The following EPB41L3 variants were observed in gnomAD, a reference collection of about 807,000 sequenced individuals.
EPB41L3 encodes the protein erythrocyte membrane protein band 4.1 like 3, also known as band 4.1-like protein 3.
In EPB41L3, 57 loss-of-function variants were observed where a neutral mutation model predicts 127.1. The observed-to-expected ratio is 0.45, with a 90% CI of 0.36 to 0.56. EPB41L3 has a LOEUF of 0.56. Ranked by LOEUF, EPB41L3 falls within the 20% of genes least tolerant of loss-of-function variation. The pLI is 0.00. For missense variants in EPB41L3, 1,273 were observed against 1,372.2 expected (o/e 0.93, Z 1.14); for synonymous variants, 572 against 549.5 (o/e 1.04, Z -0.57).
At chr18:5,526,491 T>C (rs908120843) in intron 1 of EPB41L3, among the ~76,000 whole-genome samples, 2 of 152,210 alleles carry the variant, frequency 1.3e-5, no homozygotes, top group Non-Finnish European at 2.9e-5. Flanking sequence ...AAGAAAGGAC[T>C]GTAACTGAAT....
rs551477943 is a variant in EPB41L3, at chr18:5,540,564, C to T, written c.-12+3349G>A. On this transcript the variant is annotated intron_variant, in intron 1 of 22. Transcript: ENST00000341928. ...CAAGGCAAATCAAATAACAGCAGAA[C>T]CCTCCCGGGCTGAGTGCCTGATGAA... 22 of 985,430 alleles carry T rather than the reference C, an allele frequency of 2.2e-5. No individual in the cohort carries two copies. In the South Asian group the frequency reaches 1.0e-3, roughly 46 times the overall value. 61.0% of individuals were successfully genotyped at this position (985,430 alleles called of 1,614,324 possible).
intron 2 of EPB41L3, among the ~76,000 whole-genome samples, chr18:5,613,644 A>G (rs1327473343): frequency 6.6e-6 from 1 of 152,116 alleles, no homozygotes; most frequent in Non-Finnish European, 1.5e-5. Context: ...TTGCCTTTTC[A>G]CTTTCATTCT....
intron 3 of EPB41L3, among the ~76,000 whole-genome samples, chr18:5,550,186 T>C (rs568836437): frequency 1.3e-5 from 2 of 152,318 alleles, no homozygotes; most frequent in South Asian, 2.1e-4. Flanking sequence ...TAGTTAACTT[T>C]GAGATCTGAC....
At chr18:5,570,917 T>C (rs1253453704) in intron 3 of EPB41L3, 1 of 152,252 alleles carries the variant, frequency 6.6e-6, no homozygotes, top group Non-Finnish European at 1.5e-5. Context: ...CTTTGTAATC[T>C]TTGAAATAAA....
rs1328245523 is a variant in EPB41L3 at position 5,492,842 on chromosome 18, A to AT, written c.-11-3649dup. 4.6e-5 allele frequency among the ~76,000 whole-genome samples: 7 copies of AT among 151,768 alleles called. No homozygotes were observed. The Middle Eastern group carries it at 0.01, about 223-fold the overall frequency. ...AGGCAGATGGCAAGAGGAGTCCTTA[A>AT]TTTTTTTTTAAAGAAACGTAAATCA... On this transcript the variant is annotated intron_variant, in intron 1 of 22. Coordinates refer to ENST00000341928, the MANE Select transcript of EPB41L3 (RefSeq NM_012307.5).
At chr18:5,483,517 C>A (rs1349722754) in intron 2 of EPB41L3, among the ~76,000 whole-genome samples, 1 of 151,826 alleles carries the variant, frequency 6.6e-6, no homozygotes, top group Non-Finnish European at 1.5e-5. Flanking sequence ...TCTCAATTCT[C>A]CAATTAAAAG....
chr18:5,609,332 C>A (rs2094699616), intron 3 of EPB41L3, among the ~76,000 whole-genome samples: 1 of 152,182 alleles, frequency 6.6e-6, no homozygotes, highest in Non-Finnish European at 1.5e-5. Flanking sequence ...TTTACCTAGA[C>A]TCTTTCTTAC....
intron 3 of EPB41L3, among the ~76,000 whole-genome samples, chr18:5,472,681 G>C (rs1322042515): frequency 1.3e-5 from 2 of 152,250 alleles, no homozygotes; most frequent in East Asian, 3.9e-4. Flanking sequence ...TTTGCTCTCT[G>C]GTCAAGCACT....
chr18:5,583,968 C>T (rs1052307095), intron 3 of EPB41L3, among the ~76,000 whole-genome samples: 4 of 152,184 alleles, frequency 2.6e-5, no homozygotes, highest in African/African-American at 4.8e-5. Flanking sequence ...GCCACCACAC[C>T]AAGCTAATTT....
At chr18:5,583,477 T>C (rs2094414165) in intron 3 of EPB41L3, among the ~76,000 whole-genome samples, 1 of 152,224 alleles carries the variant, frequency 6.6e-6, no homozygotes, top group Non-Finnish European at 1.5e-5. Context: ...CAGGCTTTGA[T>C]TGTTTTCCTT....
intron 3 of EPB41L3, among the ~76,000 whole-genome samples, chr18:5,578,165 C>G (rs936312572): frequency 1.3e-5 from 2 of 152,088 alleles, no homozygotes; most frequent in Non-Finnish European, 2.9e-5. Context: ...TTTTGGTTGT[C>G]TATTATGCTG....
intron 3 of EPB41L3, among the ~76,000 whole-genome samples, chr18:5,459,499 T>C (rs76001602): frequency 0.035 from 5,357 of 152,282 alleles, 128 homozygotes; most frequent in Non-Finnish European, 0.049. Context: ...ACCCATAACT[T>C]AACTATAACC....
At chr18:5,518,152 G>T (rs1428390937) in intron 1 of EPB41L3, among the ~76,000 whole-genome samples, 1 of 151,976 alleles carries the variant, frequency 6.6e-6, no homozygotes, top group Non-Finnish European at 1.5e-5. Context: ...CACACATCAG[G>T]CCCCCTCAGG....
At chr18:5,508,271 G>GC (rs1243473583) in intron 1 of EPB41L3, 1 of 152,106 alleles carries the variant, frequency 6.6e-6, no homozygotes, top group Non-Finnish European at 1.5e-5. Flanking sequence ...TCCAAGCTGT[G>GC]TTTTCCCCTG....
intron 6 of EPB41L3, among the ~76,000 whole-genome samples, chr18:5,434,500 G>A (rs896545248): frequency 6.6e-6 from 1 of 152,154 alleles, no homozygotes; most frequent in Admixed American, 6.5e-5. Context: ...GAATTATAAT[G>A]TAAAAATGTT....
At chr18:5,555,733 G>A (rs117395125) in intron 3 of EPB41L3, among the ~76,000 whole-genome samples, 20 of 152,142 alleles carry the variant, frequency 1.3e-4, no homozygotes, top group Non-Finnish European at 1.6e-4. Flanking sequence ...CCAGCTTCCC[G>A]GGACATGAGT....
At chr18:5,398,320 C>T in intron 16 of EPB41L3, 177 bp from the exon 17 acceptor site, 1 of 726,420 alleles carries the variant, frequency 1.4e-6, no homozygotes, top group Non-Finnish European at 2.3e-6. Flanking sequence ...AAACCAGGTG[C>T]TCTTGTTTGG....
intron 3 of EPB41L3, among the ~76,000 whole-genome samples, chr18:5,585,008 T>G (rs1482569734): frequency 2.0e-5 from 3 of 152,196 alleles, no homozygotes; most frequent in African/African-American, 4.8e-5. Context: ...TTCCCAAAAA[T>G]TAACATAATG....
chr18:5,563,240 C>T (rs2094156339), intron 3 of EPB41L3, among the ~76,000 whole-genome samples: 1 of 152,152 alleles, frequency 6.6e-6, no homozygotes, highest in African/African-American at 2.4e-5. Context: ...AAGTGATTGA[C>T]AATTATGCAC....
Sources: gnomAD v4.1 joint callset for allele counts (sites outside exome capture counted in the v4.1 genomes callset) on GRCh38, gnomAD v4.1.1 for gene constraint, MANE v1.5 for transcripts, NCBI Gene and HGNC (gene_info 2026-07-23, HGNC 2026-07-21) for gene names.